MEF2C: variants seen among roughly 807,000 people sequenced by gnomAD.
MEF2C encodes myocyte-specific enhancer factor 2C.
In MEF2C, 6 loss-of-function variants were observed where a neutral mutation model predicts 50.5. That is an observed-to-expected ratio of 0.12 (90% CI 0.07 to 0.23). MEF2C has a LOEUF of 0.23. Among genes scored for constraint, MEF2C ranks in the 10% least tolerant of loss-of-function variants. The probability of loss-of-function intolerance (pLI) is 1.00; values close to 1 mark genes in which losing one functional copy is unlikely to be tolerated. For missense variants in MEF2C, 276 were observed against 605.0 expected (o/e 0.46, Z 5.70); for synonymous variants, 183 against 228.0 (o/e 0.80, Z 1.78).
chr5:88,802,076 T>C (rs1237223661), intron 3 of MEF2C, among the ~76,000 whole-genome samples: 1 of 152,240 alleles, frequency 6.6e-6, no homozygotes, highest in Admixed American at 6.5e-5. Flanking sequence ...AATTGAGCCA[T>C]CCAATCTCTA....
chr5:88,725,034 T>C (rs1424431938), intron 10 of MEF2C, among the ~76,000 whole-genome samples: 1 of 152,102 alleles, frequency 6.6e-6, no homozygotes, highest in African/African-American at 2.4e-5. Flanking sequence ...AGTTGGACAG[T>C]CTAAGCAGTT....
chr5:88,801,339 A>G (rs925236604), intron 3 of MEF2C, among the ~76,000 whole-genome samples: 56 of 152,172 alleles, frequency 3.7e-4, no homozygotes, highest in African/African-American at 1.3e-3. Context: ...TTTACCCAGG[A>G]GCAGTAAACA....
chr5:88,813,682 ACTT>A (rs1803933044), intron 2 of MEF2C, among the ~76,000 whole-genome samples: 2 of 152,108 alleles, frequency 1.3e-5, no homozygotes, highest in Admixed American at 6.6e-5. Context: ...GGTCCCAAAT[ACTT>A]CTTTCCACCA....
At chr5:88,838,376 G>GT (rs1816000197) in intron 1 of MEF2C, 1 of 182,770 alleles carries the variant, frequency 5.5e-6, no homozygotes, top group Non-Finnish European at 1.0e-5. Flanking sequence ...AGCTGTTTTT[G>GT]GTTTTTTTTT....
intron 1 of MEF2C, among the ~76,000 whole-genome samples, chr5:88,891,648 G>A (rs1834592035): frequency 6.6e-6 from 1 of 152,092 alleles, no homozygotes. Context: ...CTGACCTCGT[G>A]ATCTGCCTGT....
At chr5:88,865,289 C>A (rs1295442036) in intron 1 of MEF2C, among the ~76,000 whole-genome samples, 1 of 152,146 alleles carries the variant, frequency 6.6e-6, no homozygotes, top group Admixed American at 6.5e-5. Context: ...ATGTTTTATA[C>A]CTATGACCTT....
intron 6 of MEF2C, chr5:88,738,456 G>A: frequency 1.1e-6 from 1 of 885,388 alleles, no homozygotes; most frequent in Non-Finnish European, 1.4e-6. Context: ...GATACTAATA[G>A]TATCCCTATG....
intron 3 of MEF2C, among the ~76,000 whole-genome samples, chr5:88,764,431 C>T (rs1003963821): frequency 2.0e-5 from 3 of 152,166 alleles, no homozygotes; most frequent in Non-Finnish European, 2.9e-5. Context: ...TGCCCGTTTT[C>T]CCACCCGTGT....
chr5:88,820,755 G>A (rs1314555836), intron 2 of MEF2C, among the ~76,000 whole-genome samples: 1 of 151,902 alleles, frequency 6.6e-6, no homozygotes, highest in Non-Finnish European at 1.5e-5. Context: ...CCCAGGTTAC[G>A]GGTGCCTCTA....
intron 1 of MEF2C, among the ~76,000 whole-genome samples, chr5:88,854,075 T>G (rs1319685039): frequency 6.6e-6 from 1 of 152,220 alleles, no homozygotes; most frequent in Non-Finnish European, 1.5e-5. Context: ...ATTACCTGCA[T>G]GTAAAATGAA....
At chr5:88,899,561 C>G (rs1410929124) in intron 1 of MEF2C, among the ~76,000 whole-genome samples, 1 of 152,124 alleles carries the variant, frequency 6.6e-6, no homozygotes, top group Non-Finnish European at 1.5e-5. Context: ...TCAAATCTTC[C>G]TACTTCTGCT....
chr5:88,755,826 A>T (rs1775047134), intron 4 of MEF2C, among the ~76,000 whole-genome samples: 2 of 152,322 alleles, frequency 1.3e-5, no homozygotes, highest in Non-Finnish European at 2.9e-5. Flanking sequence ...CCCTTGGGTG[A>T]TTATATGCAC....
intron 4 of MEF2C, among the ~76,000 whole-genome samples, chr5:88,758,524 T>C (rs760271015): frequency 1.2e-4 from 19 of 152,212 alleles, no homozygotes; most frequent in Non-Finnish European, 2.8e-4. Flanking sequence ...AGGGAAACTC[T>C]TCAAACTGGG....
intron 1 of MEF2C, among the ~76,000 whole-genome samples, chr5:88,848,266 C>G (rs1469239895): frequency 2.0e-5 from 3 of 151,996 alleles, no homozygotes; most frequent in African/African-American, 7.2e-5. Flanking sequence ...TTTGAAAGAC[C>G]AAAGTTATAG....
chr5:88,737,913 T>G, intron 6 of MEF2C: 1 of 985,346 alleles, frequency 1.0e-6, no homozygotes, highest in Non-Finnish European at 1.2e-6. Context: ...GTTAGCTTTA[T>G]TAAATTTGTG....
chr5:88,866,312 C>CAA (rs1312115935), intron 1 of MEF2C, among the ~76,000 whole-genome samples: 1 of 152,178 alleles, frequency 6.6e-6, no homozygotes, highest in Non-Finnish European at 1.5e-5. Flanking sequence ...AAAGCGGAAG[C>CAA]AAATGTAGTT....
chr5:88,801,388 A>G (rs944194038), intron 3 of MEF2C, among the ~76,000 whole-genome samples: 3 of 152,212 alleles, frequency 2.0e-5, no homozygotes, highest in African/African-American at 7.2e-5. Flanking sequence ...CATTCTAAGA[A>G]CGAATTCAAA....
intron 1 of MEF2C, among the ~76,000 whole-genome samples, chr5:88,855,971 C>G (rs562480561): frequency 5.3e-5 from 8 of 152,106 alleles, no homozygotes; most frequent in Non-Finnish European, 1.5e-5. Flanking sequence ...GAGGTTGGAA[C>G]AGTTTGGAGG....
At chr5:88,743,028 C>T (rs616391) in intron 6 of MEF2C, 545,933 of 969,290 alleles carry the variant, frequency 0.56, 156,762 homozygotes, top group East Asian at 0.59. Flanking sequence ...GTAAAACTGC[C>T]AATGAATTCA....
Sources: allele counts gnomAD v4.1 joint callset (sites outside exome capture counted in the v4.1 genomes callset), GRCh38; gene constraint gnomAD v4.1.1; transcripts MANE v1.5; gene names NCBI Gene and HGNC (gene_info 2026-07-23, HGNC 2026-07-21).